Variants in CACNA2D3 observed in about 807,000 individuals in gnomAD.
The protein encoded by CACNA2D3 is calcium voltage-gated channel auxiliary subunit alpha2delta 3.
In CACNA2D3, 60 loss-of-function variants were observed where a neutral mutation model predicts 160.6. The observed-to-expected ratio is 0.37, with a 90% CI of 0.30 to 0.46. The LOEUF (loss-of-function observed/expected upper bound fraction) is 0.46, where lower values mean the gene tolerates loss of function less well. Among genes scored for constraint, CACNA2D3 ranks in the 20% least tolerant of loss-of-function variants. The probability of loss-of-function intolerance (pLI) is 1.00; values close to 1 mark genes in which losing one functional copy is unlikely to be tolerated. For missense variants in CACNA2D3, 1,205 were observed against 1,365.0 expected (o/e 0.88, Z 1.85); for synonymous variants, 558 against 492.9 (o/e 1.13, Z -1.75).
intron 2 of CACNA2D3, among the ~76,000 whole-genome samples, chr3:54,147,116 A>T (rs1212479877): frequency 6.6e-6 from 1 of 152,248 alleles, no homozygotes; most frequent in Non-Finnish European, 1.5e-5. Context: ...TGAAAAATAA[A>T]TGTCAGAGTG....
intron 2 of CACNA2D3, among the ~76,000 whole-genome samples, chr3:54,188,256 CAAACAAACAAACAAAA>C (rs1430400470): frequency 2.0e-5 from 3 of 151,502 alleles, no homozygotes; most frequent in African/African-American, 4.9e-5. Context: ...AACAAACAAA[CAAACAAACAAACAAAA>C]AAACCAGTAG....
intron 17 of CACNA2D3, among the ~76,000 whole-genome samples, chr3:54,858,841 G>T (rs1253683833): frequency 1.3e-5 from 2 of 152,100 alleles, no homozygotes; most frequent in Admixed American, 6.5e-5. Context: ...AATAACTGAA[G>T]AATTCAATCA....
chr3:54,855,715 G>A (rs1699155107), intron 17 of CACNA2D3, among the ~76,000 whole-genome samples: 1 of 152,172 alleles, frequency 6.6e-6, no homozygotes, highest in Non-Finnish European at 1.5e-5. Flanking sequence ...TCCCATTGTA[G>A]TGGGAGTGGA....
chr3:54,413,487 A>G (rs1167824099), intron 4 of CACNA2D3, among the ~76,000 whole-genome samples: 3 of 149,786 alleles, frequency 2.0e-5, no homozygotes, highest in Admixed American at 6.7e-5. Context: ...TATTCTAACT[A>G]TATTTGGAAA....
At chr3:55,037,885 G>C (rs974226655) in intron 35 of CACNA2D3, among the ~76,000 whole-genome samples, 2 of 152,180 alleles carry the variant, frequency 1.3e-5, no homozygotes, top group Non-Finnish European at 2.9e-5. Flanking sequence ...CATTTATGCA[G>C]GTTTCTGCTC....
intron 12 of CACNA2D3, among the ~76,000 whole-genome samples, chr3:54,763,167 T>C (rs1702114915): frequency 6.6e-6 from 1 of 151,058 alleles, no homozygotes; most frequent in Non-Finnish European, 1.5e-5. Context: ...CACATCATGA[T>C]ATGGGCTGAA....
At chr3:54,882,244 A>C (rs1023442740) in intron 21 of CACNA2D3, among the ~76,000 whole-genome samples, 1 of 152,214 alleles carries the variant, frequency 6.6e-6, no homozygotes, top group African/African-American at 2.4e-5. Context: ...TGTCTAAGCC[A>C]TGTGAGGTCA....
chr3:54,697,296 A>C (rs568843678), intron 11 of CACNA2D3, among the ~76,000 whole-genome samples: 1 of 152,202 alleles, frequency 6.6e-6, no homozygotes, highest in South Asian at 2.1e-4. Context: ...AAACAAAAAC[A>C]TGAGATTCCT....
chr3:54,144,172 G>T (rs9880023), intron 2 of CACNA2D3, among the ~76,000 whole-genome samples: 86,903 of 152,082 alleles, frequency 0.57, 25,433 homozygotes, highest in East Asian at 0.96. Context: ...TCTCCCAACT[G>T]TATCTTATGA....
At chr3:54,627,917 A>G (rs1699157958) in intron 10 of CACNA2D3, 41 bp downstream of exon 10, 1 of 1,314,706 alleles carries the variant, frequency 7.6e-7, no homozygotes, top group Non-Finnish European at 1.1e-6. Context: ...CCCTTGGAGA[A>G]TAGATGGGTG....
At chr3:54,356,245 G>A (rs1391822803) in intron 3 of CACNA2D3, among the ~76,000 whole-genome samples, 2 of 152,184 alleles carry the variant, frequency 1.3e-5, no homozygotes, top group Non-Finnish European at 2.9e-5. Flanking sequence ...TTGAGCTTAT[G>A]GGGTGGTGTT....
chr3:55,064,878 G>A (rs146693902), intron 35 of CACNA2D3, among the ~76,000 whole-genome samples: 3 of 152,196 alleles, frequency 2.0e-5, no homozygotes, highest in Non-Finnish European at 2.9e-5. Flanking sequence ...ATAGGGAAAC[G>A]GAGGAAATTA....
rs757454000 is a variant in CACNA2D3, at chr3:54,968,422, G to A, written c.2450-28G>A. Reference sequence around the variant, plus strand: ...ATAATTGTGTAAAGGGATCACTAATGCCTTGTTTTATTTATAATTTGTCCC... The same window carrying A: ...ATAATTGTGTAAAGGGATCACTAATACCTTGTTTTATTTATAATTTGTCCC... On this transcript the variant is annotated intron_variant, in intron 27 of 37. Coordinates refer to ENST00000474759, the MANE Select transcript of CACNA2D3 (RefSeq NM_018398.3). 6.0e-6 allele frequency: 9 copies of A among 1,511,880 alleles called. No individual in the cohort carries two copies. The South Asian group carries it at 9.3e-5, about 16-fold the overall frequency. The allele number at this position is 1,511,880 out of a possible 1,614,324, so 93.7% of individuals were successfully genotyped here. A position where few individuals can be genotyped will look rare whatever the true frequency, so the allele number is the denominator to read the frequency against.
chr3:54,869,217 T>C (rs538322649), intron 17 of CACNA2D3, among the ~76,000 whole-genome samples: 7 of 152,206 alleles, frequency 4.6e-5, no homozygotes, highest in Non-Finnish European at 8.8e-5. Flanking sequence ...GGCTTAGACA[T>C]GAAAATTTGA....
chr3:54,463,498 T>C (rs1303626350), intron 4 of CACNA2D3, among the ~76,000 whole-genome samples: 1 of 152,198 alleles, frequency 6.6e-6, no homozygotes, highest in Non-Finnish European at 1.5e-5. Context: ...TCTGTAAACT[T>C]CTCATCTTGC....
intron 14 of CACNA2D3, among the ~76,000 whole-genome samples, chr3:54,825,335 A>G (rs1703727815): frequency 1.3e-5 from 2 of 152,236 alleles, no homozygotes; most frequent in Non-Finnish European, 2.9e-5. Flanking sequence ...GGATACCATG[A>G]TATTAATGTC....
At chr3:54,270,024 G>C (rs1473311948) in intron 2 of CACNA2D3, among the ~76,000 whole-genome samples, 2 of 152,200 alleles carry the variant, frequency 1.3e-5, no homozygotes, top group Non-Finnish European at 2.9e-5. Flanking sequence ...ACCAGAAGCT[G>C]AAGCAGCTAG....
At chr3:54,221,859 AT>A (rs1367935446) in intron 2 of CACNA2D3, among the ~76,000 whole-genome samples, 2 of 151,700 alleles carry the variant, frequency 1.3e-5, no homozygotes, top group Non-Finnish European at 2.9e-5. Context: ...GAAAAAAAAT[AT>A]TTTTTTGAGA....
At chr3:54,830,806 T>G (rs1281212378) in intron 14 of CACNA2D3, among the ~76,000 whole-genome samples, 1 of 152,076 alleles carries the variant, frequency 6.6e-6, no homozygotes, top group Non-Finnish European at 1.5e-5. Context: ...GTAAGGCCCA[T>G]ACTCTGGAAA....
Sources: gnomAD v4.1 joint callset for allele counts (sites outside exome capture counted in the v4.1 genomes callset) on GRCh38, gnomAD v4.1.1 for gene constraint, MANE v1.5 for transcripts, NCBI Gene and HGNC (gene_info 2026-07-23, HGNC 2026-07-21) for gene names.